DIP2B: variants seen among roughly 807,000 people sequenced by gnomAD.
DIP2B encodes the protein disco-interacting protein 2 homolog B.
In DIP2B, 76 loss-of-function variants were observed where a neutral mutation model predicts 198.0. That is an observed-to-expected ratio of 0.38 (90% CI 0.32 to 0.46). DIP2B has a LOEUF of 0.46. DIP2B is among the 20% of genes least tolerant of loss of function. DIP2B has a pLI of 0.99. For missense variants in DIP2B, 1,559 were observed against 1,978.4 expected (o/e 0.79, Z 4.02); for synonymous variants, 701 against 739.1 (o/e 0.95, Z 0.84).
intron 2 of DIP2B, among the ~76,000 whole-genome samples, chr12:50,639,111 A>T (rs1938210296): frequency 7.3e-6 from 1 of 137,922 alleles, no homozygotes; most frequent in Non-Finnish European, 1.5e-5. Context: ...TTTTTTTGAG[A>T]CAGAGTCTTG....
chr12:50,505,740 C>T (rs557790664), intron 1 of DIP2B, among the ~76,000 whole-genome samples: 128 of 152,148 alleles, frequency 8.4e-4, no homozygotes, highest in Non-Finnish European at 1.4e-3. Flanking sequence ...GCGATGCCTC[C>T]CCAGTGACAG....
rs1939302496 is a variant in DIP2B, at chr12:50,695,883, T to C, written c.1849T>C (p.Trp617Arg). 6.2e-7 allele frequency: 1 copy of C among 1,614,154 alleles called. No individual in the cohort carries two copies. The highest frequency in any genetic ancestry group is 8.5e-7 in the Non-Finnish European group (1 of 1,179,964). The change falls in exon 16 of 38, where the codon TGG becomes CGG. Residue 617 changes from tryptophan (W) to arginine (R), a missense_variant. Coordinates refer to ENST00000301180, the MANE Select transcript of DIP2B (RefSeq NM_173602.3). Reference protein sequence around the residue: ...VALVKCRDLHWAMMAHRDQRD... With the variant: ...VALVKCRDLHRAMMAHRDQRD... ...TTTAGTAAAATGTCGGGACTTGCAC[T>C]GGGCTATGATGGCACATCGGGACCA... is the stretch of plus-strand genomic sequence containing the variant.
chr12:50,543,354 A>G (rs1018287420), intron 1 of DIP2B, among the ~76,000 whole-genome samples: 1 of 151,692 alleles, frequency 6.6e-6, no homozygotes, highest in Admixed American at 6.6e-5. Flanking sequence ...CAGTGGCGCA[A>G]TCTTGGCTCA....
At chr12:50,554,599 T>C (rs1212070566) in intron 1 of DIP2B, among the ~76,000 whole-genome samples, 1 of 152,144 alleles carries the variant, frequency 6.6e-6, no homozygotes. Context: ...GGTCACTGGG[T>C]GCGTGGCATG....
At chr12:50,573,973 G>A (rs1340146519) in intron 1 of DIP2B, among the ~76,000 whole-genome samples, 1 of 152,152 alleles carries the variant, frequency 6.6e-6, no homozygotes, top group Non-Finnish European at 1.5e-5. Flanking sequence ...GATATTAAGG[G>A]TTCTTAGAAA....
rs1365823906 is a variant in DIP2B at position 50,714,658 on chromosome 12, C to T, written c.2851+62C>T. 5.1e-6 allele frequency: 8 copies of T among 1,578,954 alleles called. No individual in the cohort carries two copies. In the Admixed American group the frequency reaches 5.1e-5, roughly 10 times the overall value. Reference sequence around the variant, plus strand: ...CCAACTTCAAGAAGCTGGGTTCTCTCAGTGTGATTCTTTCTCTACAATTAG... The same window carrying T: ...CCAACTTCAAGAAGCTGGGTTCTCTTAGTGTGATTCTTTCTCTACAATTAG... On this transcript the variant is annotated intron_variant, in intron 23 of 37. Coordinates refer to ENST00000301180, the MANE Select transcript of DIP2B (RefSeq NM_173602.3).
chr12:50,627,526 A>G (rs188713155), intron 2 of DIP2B, among the ~76,000 whole-genome samples: 2 of 152,154 alleles, frequency 1.3e-5, no homozygotes, highest in African/African-American at 2.4e-5. Flanking sequence ...TTGGGGTCTC[A>G]CTTTATTGCC....
At chr12:50,728,523 C>T (rs770237844) in intron 29 of DIP2B, 25 bp from the exon 30 acceptor site, 2 of 1,611,248 alleles carry the variant, frequency 1.2e-6, no homozygotes, top group Non-Finnish European at 1.7e-6. Flanking sequence ...CAGTCCCAGC[C>T]TGTTCCATTT....
At chr12:50,618,583 T>C (rs1409238882) in intron 1 of DIP2B, among the ~76,000 whole-genome samples, 2 of 152,178 alleles carry the variant, frequency 1.3e-5, no homozygotes, top group African/African-American at 4.8e-5. Context: ...TAAAAATGAA[T>C]ATATGGTGGT....
intron 5 of DIP2B, among the ~76,000 whole-genome samples, chr12:50,672,509 A>ATATATTTTTT (rs1385871266): frequency 3.9e-5 from 6 of 152,202 alleles, no homozygotes. Flanking sequence ...TATTATCCTA[A>ATATATTTTTT]TACCCAGTTA....
chr12:50,682,457 A>G (rs1218883279), intron 9 of DIP2B, among the ~76,000 whole-genome samples: 1 of 151,862 alleles, frequency 6.6e-6, no homozygotes, highest in Non-Finnish European at 1.5e-5. Context: ...GTGAAACCCC[A>G]TCTCTACTAA....
At chr12:50,526,546 C>T (rs1958166164) in intron 1 of DIP2B, among the ~76,000 whole-genome samples, 2 of 150,772 alleles carry the variant, frequency 1.3e-5, no homozygotes, top group South Asian at 4.2e-4. Context: ...AGCCACGCCA[C>T]TGTGCTCCCT....
chr12:50,734,390 C>CTTTACTGTTCTTTAATATTAA (rs1940101120), intron 33 of DIP2B, among the ~76,000 whole-genome samples, 194 bp downstream of exon 33: 1 of 152,192 alleles, frequency 6.6e-6, no homozygotes, highest in Non-Finnish European at 1.5e-5. Context: ...CTCTCAGTTG[C>CTTTACTGTTCTTTAATATTAA]TACACTGTTC....
rs774975111 is a variant in DIP2B, at chr12:50,734,098, G to A, written c.3982-37G>A. ...TTGAAAATGTGAAATACAGTTTATCGAAATTCTAAACAACGCATTGATTTG... is the reference window on the plus strand; with the variant it reads ...TTGAAAATGTGAAATACAGTTTATCAAAATTCTAAACAACGCATTGATTTG... On this transcript the variant is annotated intron_variant, in intron 32 of 37. Coordinates refer to ENST00000301180, the MANE Select transcript of DIP2B (RefSeq NM_173602.3). 25 of 1,610,440 alleles carry A rather than the reference G, an allele frequency of 1.6e-5. 1 individual carries two copies. The South Asian group carries it at 2.3e-4, about 15-fold the overall frequency.
chr12:50,632,147 A>G (rs377436789), intron 2 of DIP2B, among the ~76,000 whole-genome samples: 3 of 152,126 alleles, frequency 2.0e-5, no homozygotes, highest in African/African-American at 7.2e-5. Context: ...GACTTTTTAA[A>G]TGGCATTGGA....
intron 27 of DIP2B, 67 bp from the exon 28 acceptor site, chr12:50,724,708 C>A: frequency 7.0e-7 from 1 of 1,426,088 alleles, no homozygotes; most frequent in Non-Finnish European, 9.9e-7. Flanking sequence ...TTAGCAGCAG[C>A]CAGGGCCTGT....
chr12:50,653,346 C>CTTTTTTTTTTTT (rs34185073), intron 3 of DIP2B, among the ~76,000 whole-genome samples: 2 of 76,634 alleles, frequency 2.6e-5, no homozygotes, highest in East Asian at 3.6e-4. Flanking sequence ...TTTTTCTTTT[C>CTTTTTTTTTTTT]TTTTTTTTTT....
chr12:50,590,848 A>T (rs1369100052), intron 1 of DIP2B, among the ~76,000 whole-genome samples: 1 of 152,144 alleles, frequency 6.6e-6, no homozygotes, highest in Non-Finnish European at 1.5e-5. Context: ...CATCTAGGAA[A>T]CTCCACTTTC....
At chr12:50,631,331 A>G (rs558881052) in intron 2 of DIP2B, among the ~76,000 whole-genome samples, 21 of 152,058 alleles carry the variant, frequency 1.4e-4, no homozygotes, top group African/African-American at 5.1e-4. Context: ...GGTTCAAGCA[A>G]TTCTCCTGCC....
Sources: gnomAD v4.1 joint callset for allele counts (sites outside exome capture counted in the v4.1 genomes callset) on GRCh38, gnomAD v4.1.1 for gene constraint, MANE v1.5 for transcripts, NCBI Gene and HGNC (gene_info 2026-07-23, HGNC 2026-07-21) for gene names.